The following SPSB4 variants were observed in gnomAD, a reference collection of about 807,000 sequenced individuals.
SPSB4 encodes the protein SPRY domain-containing SOCS box protein 4.
SPSB4 carries 21 observed loss-of-function variants against 20.9 expected under a neutral mutation model. The ratio of observed to expected loss-of-function variants is 1.01; its 90% CI spans 0.71 to 1.45. The LOEUF (loss-of-function observed/expected upper bound fraction) is 1.45. Ranked by LOEUF, SPSB4 falls within the 40% of genes most tolerant of loss-of-function variation. SPSB4 has a pLI of 0.00. For synonymous variants in SPSB4, 207 were observed against 183.8 expected, an observed-to-expected ratio of 1.13 and a Z score of -1.02; for missense variants, 399 against 399.2, an observed-to-expected ratio of 1.00 and a Z score of 0.00.
chr3:141,121,330 T>A (rs1470457882), intron 2 of SPSB4, among the ~76,000 whole-genome samples: 1 of 152,226 alleles, frequency 6.6e-6, no homozygotes, highest in Non-Finnish European at 1.5e-5. Context: ...CCTTTCTCTC[T>A]GGCTGCCCTT....
intron 2 of SPSB4, among the ~76,000 whole-genome samples, chr3:141,135,971 T>A (rs1014100996): frequency 5.3e-5 from 8 of 152,114 alleles, no homozygotes; most frequent in African/African-American, 1.9e-4. Context: ...AGTGTAAAAG[T>A]GTTCCTATTT....
chr3:141,109,868 G>A (rs1394142708), intron 2 of SPSB4, among the ~76,000 whole-genome samples: 1 of 152,206 alleles, frequency 6.6e-6, no homozygotes, highest in Non-Finnish European at 1.5e-5. Flanking sequence ...TTTACGGCCT[G>A]TGAGAGAGCC....
intron 2 of SPSB4, among the ~76,000 whole-genome samples, chr3:141,125,339 A>G (rs1324492876): frequency 1.3e-5 from 2 of 152,146 alleles, no homozygotes; most frequent in African/African-American, 4.8e-5. Flanking sequence ...CCATGCGCTC[A>G]CCAGCACAAG....
chr3:141,136,834 G>C (rs1161372026), intron 2 of SPSB4, among the ~76,000 whole-genome samples: 2 of 152,156 alleles, frequency 1.3e-5, no homozygotes, highest in African/African-American at 2.4e-5. Context: ...CTCTTTTTTG[G>C]TTCCATATGA....
intron 2 of SPSB4, among the ~76,000 whole-genome samples, chr3:141,097,061 T>G (rs2107794090): frequency 6.6e-6 from 1 of 152,346 alleles, no homozygotes; most frequent in South Asian, 2.1e-4. Flanking sequence ...ACCCGTTCTT[T>G]CCATTTTCAC....
chr3:141,080,157 A>G (rs11928846), intron 2 of SPSB4: 15,550 of 152,274 alleles, frequency 0.1, 1,008 homozygotes, highest in East Asian at 0.21. Context: ...TGAGGTGGAT[A>G]TGGCCATTTG....
chr3:141,108,700 G>C (rs755989527), intron 2 of SPSB4, among the ~76,000 whole-genome samples: 11 of 152,338 alleles, frequency 7.2e-5, no homozygotes, highest in Non-Finnish European at 1.0e-4. Flanking sequence ...ATTAATAAAG[G>C]GCTCTGGGTA....
At chr3:141,081,847 G>C (rs1351156376) in intron 2 of SPSB4, among the ~76,000 whole-genome samples, 3 of 152,170 alleles carry the variant, frequency 2.0e-5, no homozygotes, top group Non-Finnish European at 2.9e-5. Context: ...CAAAGGCCTG[G>C]ACGGCGTTAG....
intron 2 of SPSB4, among the ~76,000 whole-genome samples, chr3:141,142,142 A>C (rs891331196): frequency 2.4e-4 from 37 of 152,098 alleles, no homozygotes; most frequent in African/African-American, 8.5e-4. Context: ...TAGATTGTCT[A>C]TTCATGTTCT....
chr3:141,145,443 T>C (rs1474810443), intron 2 of SPSB4, among the ~76,000 whole-genome samples: 1 of 152,048 alleles, frequency 6.6e-6, no homozygotes, highest in Non-Finnish European at 1.5e-5. Flanking sequence ...ATAAAACATA[T>C]TCTCGACTCT....
intron 2 of SPSB4, among the ~76,000 whole-genome samples, chr3:141,135,542 T>G (rs934043509): frequency 6.7e-6 from 1 of 149,620 alleles, no homozygotes; most frequent in African/African-American, 2.5e-5. Context: ...CCTTCCTGTG[T>G]CCATGTGTTC....
chr3:141,139,820 T>C (rs1164754659), intron 2 of SPSB4, among the ~76,000 whole-genome samples: 2 of 152,190 alleles, frequency 1.3e-5, no homozygotes, highest in Non-Finnish European at 2.9e-5. Context: ...TGTCTTGGAG[T>C]TGCTCTTCTT....
chr3:141,134,035 C>CTTTTTTTTTTTCTTT (rs1939182147), intron 2 of SPSB4, among the ~76,000 whole-genome samples: 1 of 46,760 alleles, frequency 2.1e-5, no homozygotes, highest in African/African-American at 9.9e-5. Flanking sequence ...TTTTTCTTTT[C>CTTTTTTTTTTTCTTT]TTTTTTTTTT....
At chr3:141,089,382 G>A (rs191395891) in intron 2 of SPSB4, among the ~76,000 whole-genome samples, 29 of 152,308 alleles carry the variant, frequency 1.9e-4, no homozygotes, top group Non-Finnish European at 7.3e-5. Flanking sequence ...ACCTCAGAAA[G>A]GATACACAGG....
rs772934652 is a variant in SPSB4 at position 141,147,255 on chromosome 3, C to A, written c.808C>A (p.Leu270Met). Residue 270 changes from leucine to methionine, a missense_variant, in exon 3 of 3, where the codon CTG becomes ATG. Coordinates refer to ENST00000310546, the MANE Select transcript of SPSB4 (RefSeq NM_080862.3). ...CCTGCCTCAGTCTCTCAAAAACTAT[C>A]TGCAGTACCAGTGAGCCAAGCCTGA... ...LPLPQSLKNY[L>M]QYQ 14 of 1,614,122 alleles carry A rather than the reference C, an allele frequency of 8.7e-6. No homozygotes were observed. The highest frequency in any genetic ancestry group is 1.2e-5 in the Non-Finnish European group (14 of 1,180,060).
chr3:141,134,549 G>A (rs1012883223), intron 2 of SPSB4, among the ~76,000 whole-genome samples: 12 of 152,068 alleles, frequency 7.9e-5, no homozygotes, highest in African/African-American at 2.2e-4. Context: ...ATTTTGTCAC[G>A]TTTTTTCTGC....
intron 2 of SPSB4, among the ~76,000 whole-genome samples, chr3:141,119,172 G>A (rs1938924941): frequency 6.6e-6 from 1 of 152,166 alleles, no homozygotes; most frequent in African/African-American, 2.4e-5. Flanking sequence ...TCATTGAGCA[G>A]TGGTTTGTAG....
At chr3:141,087,198 G>A (rs779549889) in intron 2 of SPSB4, among the ~76,000 whole-genome samples, 2 of 152,180 alleles carry the variant, frequency 1.3e-5, no homozygotes, top group African/African-American at 2.4e-5. Flanking sequence ...TGGGGCTGGC[G>A]TAGCAGGCAG....
intron 2 of SPSB4, among the ~76,000 whole-genome samples, chr3:141,114,883 A>G (rs998998243): frequency 2.0e-5 from 3 of 152,228 alleles, no homozygotes; most frequent in Non-Finnish European, 4.4e-5. Context: ...CATTGTAGGC[A>G]TTGTACATTA....
Sources: allele counts gnomAD v4.1 joint callset (sites outside exome capture counted in the v4.1 genomes callset), GRCh38; gene constraint gnomAD v4.1.1; transcripts MANE v1.5; gene names NCBI Gene and HGNC (gene_info 2026-07-23, HGNC 2026-07-21).